SELP: variants seen among roughly 807,000 people sequenced by gnomAD.
SELP encodes the protein selectin P.
Under a neutral mutation model 104.1 loss-of-function variants are expected in SELP, and 92 were observed. The observed-to-expected ratio is 0.88, with a 90% confidence interval of 0.75 to 1.05. The LOEUF is 1.05. Among genes scored for constraint, SELP ranks in the 50% least tolerant of loss-of-function variants. SELP has a pLI of 0.00. For missense variants in SELP, 1,022 were observed against 1,017.3 expected (o/e 1.00, Z -0.06); for synonymous variants, 397 against 364.5 (o/e 1.09, Z -1.01).
At position 169,611,589 on chromosome 1, in the gene SELP, A is replaced by G. The variant is rs1662536828; in HGVS notation, c.1050T>C (p.Cys350=). 6.2e-7 allele frequency: 1 copy of G among 1,614,018 alleles called. No homozygotes were observed. The highest frequency in any genetic ancestry group is 1.1e-5 in the South Asian group (1 of 91,078). Residue 350 remains cysteine (C), a synonymous_variant, in exon 7 of 17, where the codon TGT becomes TGC. Coordinates refer to ENST00000263686, the MANE Select transcript of SELP (RefSeq NM_003005.4). ...PLTAFAYGSS[C]KFECQPGYRV... ...TGTAGCCGGGCTGGCACTCAAATTTACAGCTGGAGCCATAGGCAAAAGCAG... is the reference window on the plus strand; with the variant it reads ...TGTAGCCGGGCTGGCACTCAAATTTGCAGCTGGAGCCATAGGCAAAAGCAG...
chr1:169,601,508 C>T (rs113345664), intron 10 of SELP, among the ~76,000 whole-genome samples: 81 of 152,282 alleles, frequency 5.3e-4, no homozygotes, highest in Middle Eastern at 6.8e-3. Context: ...TTGTGTAACA[C>T]GAATAGATTT....
intron 8 of SELP, among the ~76,000 whole-genome samples, chr1:169,607,464 C>T (rs556542551): frequency 1.3e-5 from 2 of 151,588 alleles, no homozygotes; most frequent in African/African-American, 4.9e-5. Context: ...TTTGTAAGAG[C>T]GGAATATTGA....
chr1:169,628,836 C>T (rs1663499651), intron 1 of SELP, among the ~76,000 whole-genome samples: 2 of 152,140 alleles, frequency 1.3e-5, no homozygotes, highest in South Asian at 2.1e-4. Flanking sequence ...AATTCATATC[C>T]TTAGGTCATT....
intron 11 of SELP, among the ~76,000 whole-genome samples, 162 bp from the exon 12 acceptor site, chr1:169,596,296 TAGAAAACC>T (rs1333248739): frequency 7.2e-5 from 11 of 152,264 alleles, no homozygotes; most frequent in African/African-American, 2.4e-4. Context: ...GTGTCAGAGA[TAGAAAACC>T]AGATGAGGAA....
In SELP at chr1:169,590,148, T is replaced by G; in HGVS notation, c.2493A>C (p.Ter831TyrextTer7). Residue 831 changes from the stop codon to tyrosine (Y), a stop_lost and splice_region_variant, in exon 16 of 17, where the codon TAA becomes TAC. Coordinates refer to ENST00000263686, the MANE Select transcript of SELP (RefSeq NM_003005.4). ...AAAATATCTTTATAGGGATCTTACCTTAAGGACTCGGGTCAAATGCAGCGT... is the reference window on the plus strand; with the variant it reads ...AAAATATCTTTATAGGGATCTTACCGTAAGGACTCGGGTCAAATGCAGCGT... The part of the protein sequence containing the change: ...FTNAAFDPSP[*>Y] The G allele has an allele frequency of 6.2e-7, 1 of 1,608,218 alleles. No homozygotes were observed. Among genetic ancestry groups the G allele is most frequent in the South Asian group, 1.1e-5 (1 of 90,948 alleles).
Position 169,597,036 on chromosome 1 carries a change from A to T in SELP, c.1846T>A (p.Cys616Ser), listed in dbSNP as rs748999293. ...GCTGACCATCTTCCAGAAGTTGTGC[A>T]TTCCACATTATTGGGCCCCTCCAGC... ...FKLEGPNNVE[C>S]TTSGRWSATP... The change falls in exon 11 of 17, where the codon TGC (cysteine) becomes AGC (serine). Residue 616 changes from cysteine (C) to serine (S), a missense_variant. Cys to Ser is a moderately radical substitution (Grantham distance 112). Transcript: ENST00000263686. 5 of 1,613,104 alleles carry T rather than the reference A, an allele frequency of 3.1e-6. No homozygotes were observed. The highest frequency in any genetic ancestry group is 4.2e-6 in the Non-Finnish European group (5 of 1,179,550).
At chr1:169,599,794 G>C (rs1661809451) in intron 10 of SELP, among the ~76,000 whole-genome samples, 1 of 152,118 alleles carries the variant, frequency 6.6e-6, no homozygotes, top group African/African-American at 2.4e-5. Context: ...GTTTTAGGGG[G>C]CACCAGTTCA....
chr1:169,629,404 CT>C (rs1663526649), intron 1 of SELP, among the ~76,000 whole-genome samples: 1 of 152,162 alleles, frequency 6.6e-6, no homozygotes, highest in Non-Finnish European at 1.5e-5. Context: ...GATCTGGATG[CT>C]TTTCAGCAAA....
At chr1:169,629,957 T>C (rs1176769916) in intron 1 of SELP, 115 bp downstream of exon 1, 61 of 1,380,762 alleles carry the variant, frequency 4.4e-5, no homozygotes, top group Non-Finnish European at 6.2e-5. Context: ...CAATTCAACA[T>C]AAAACTCCAT....
chr1:169,608,788 G>C (rs1345859925), intron 8 of SELP, among the ~76,000 whole-genome samples: 1 of 152,104 alleles, frequency 6.6e-6, no homozygotes, highest in Non-Finnish European at 1.5e-5. Flanking sequence ...CTCCGTAAAT[G>C]AAAACACAAA....
chr1:169,615,359 A>G (rs1300810755), intron 3 of SELP, among the ~76,000 whole-genome samples: 1 of 152,196 alleles, frequency 6.6e-6, no homozygotes, highest in African/African-American at 2.4e-5. Context: ...ATCTGTGTTC[A>G]GGTAAAGTTG....
chr1:169,610,840 TTCTC>T (rs1377264656), intron 7 of SELP, among the ~76,000 whole-genome samples: 22 of 152,026 alleles, frequency 1.4e-4, no homozygotes, highest in Non-Finnish European at 2.4e-4. Flanking sequence ...CCTCTAGTGT[TTCTC>T]TCTTCTCTCT....
In SELP at chr1:169,591,449, C is replaced by A; in HGVS notation, c.2415G>T (p.Gly805=). Residue 805 remains glycine, a synonymous_variant, in exon 15 of 17, where the codon GGG becomes GGT. Transcript: ENST00000263686. The stretch of plus-strand genomic sequence containing the variant: ...ACCTGTGAGGATTCAAGGGGCATTT[C>A]CCATCATCTAAAATCAGCAAGAAGA... ...LRKRFRQKDD[G]KCPLNPHSHL... 2 of 1,577,084 alleles carry A rather than the reference C, an allele frequency of 1.3e-6. No homozygotes were observed. Among genetic ancestry groups the A allele is most frequent in the East Asian group, 2.3e-5 (1 of 43,688 alleles).
At chr1:169,613,545 A>T in intron 4 of SELP, 41 bp downstream of exon 4, 1 of 1,472,396 alleles carries the variant, frequency 6.8e-7, no homozygotes, top group Non-Finnish European at 9.5e-7. Flanking sequence ...CATCATCTCT[A>T]GCATAAAACC....
In SELP at chr1:169,617,446, T is replaced by C. The variant is rs1423055623; in HGVS notation, c.95-32A>G. 8 of 1,594,652 alleles carry C rather than the reference T, an allele frequency of 5.0e-6. No homozygotes were observed. The South Asian group carries it at 7.9e-5, about 16-fold the overall frequency. ...TAAAGGAGAGTGAGTGCCAGGTTAGTACCCCTCACCAAAAAAGAGGCCGTG... is the reference window on the plus strand; with the variant it reads ...TAAAGGAGAGTGAGTGCCAGGTTAGCACCCCTCACCAAAAAAGAGGCCGTG... On this transcript the variant is annotated intron_variant, in intron 2 of 16. Transcript: ENST00000263686.
At chr1:169,617,453 C>A in intron 2 of SELP, 39 bp from the exon 3 acceptor site, 1 of 1,583,684 alleles carries the variant, frequency 6.3e-7, no homozygotes, top group Non-Finnish European at 8.6e-7. Flanking sequence ...TAGTACCCCT[C>A]ACCAAAAAAG....
At chr1:169,596,529 G>A (rs750834936) in intron 11 of SELP, among the ~76,000 whole-genome samples, 53 of 152,320 alleles carry the variant, frequency 3.5e-4, no homozygotes, top group Admixed American at 7.8e-4. Context: ...TGTGAAAGTT[G>A]AAATTTACTG....
At chr1:169,603,963 C>T (rs968863412) in intron 9 of SELP, among the ~76,000 whole-genome samples, 1 of 152,182 alleles carries the variant, frequency 6.6e-6, no homozygotes, top group Admixed American at 6.5e-5. Context: ...TGGGTATATA[C>T]CCAGTCATGG....
intron 1 of SELP, among the ~76,000 whole-genome samples, chr1:169,621,826 C>T (rs1008183875): frequency 2.0e-5 from 3 of 152,116 alleles, no homozygotes; most frequent in Non-Finnish European, 2.9e-5. Flanking sequence ...GCAGAGTGAT[C>T]GATAACCCTT....
Sources: gnomAD v4.1 joint callset for allele counts (sites outside exome capture counted in the v4.1 genomes callset) on GRCh38, gnomAD v4.1.1 for gene constraint, MANE v1.5 for transcripts, NCBI Gene and HGNC (gene_info 2026-07-23, HGNC 2026-07-21) for gene names.